ADGRF3: variants seen among roughly 807,000 people sequenced by gnomAD.
ADGRF3 encodes adhesion G protein-coupled receptor F3.
ADGRF3 carries 85 observed loss-of-function variants against 93.2 expected under a neutral mutation model. The observed-to-expected ratio is 0.91, with a 90% CI of 0.77 to 1.09. The LOEUF (loss-of-function observed/expected upper bound fraction) is 1.09. Ranked by LOEUF, ADGRF3 falls within the 50% of genes least tolerant of loss-of-function variation. The pLI is 0.00. For missense variants in ADGRF3, 1,125 were observed against 1,246.2 expected, an observed-to-expected ratio of 0.90 and a Z score of 1.46; for synonymous variants, 534 against 532.5, an observed-to-expected ratio of 1.00 and a Z score of -0.04.
chr2:26,318,260 A>G (rs1224488733), intron 1 of ADGRF3: 4 of 601,324 alleles, frequency 6.7e-6, no homozygotes, highest in South Asian at 6.4e-5. Context: ...GTGGATATCT[A>G]TCCAAAACCA....
rs2147885416 is a variant in ADGRF3, at chr2:26,317,497, C to T, written c.180G>A (p.Gly60=). Residue 60 remains glycine (G), a splice_region_variant and synonymous_variant, in exon 2 of 14, where the codon GGG becomes GGA. Transcript: ENST00000651242. Reference sequence around the variant, plus strand: ...TCCTCCTCCTGTCCATACACTCACCCCCTGCTCCATTCTCTTGGTCCAGGA... The same window carrying T: ...TCCTCCTCCTGTCCATACACTCACCTCCTGCTCCATTCTCTTGGTCCAGGA... ...GQLLDQENGA[G]ESALVSVYVH... 2 of 1,590,392 alleles carry T rather than the reference C, an allele frequency of 1.3e-6. No individual in the cohort carries two copies. The highest frequency in any genetic ancestry group is 1.7e-4 in the Middle Eastern group (1 of 6,036).
intron 1 of ADGRF3, among the ~76,000 whole-genome samples, chr2:26,343,229 T>C (rs1404670030): frequency 1.3e-5 from 2 of 152,102 alleles, no homozygotes; most frequent in South Asian, 2.1e-4. Flanking sequence ...CATGGTTATA[T>C]GGAGCATGAC....
chr2:26,316,338 G>A lies in ADGRF3; in HGVS notation c.436C>T (p.Gln146Ter). ...CTGAAGACAAGGCAGCCACAAGGCT[G>A]GTGGTTGTGGAGGCTTTGACAAGGA... ...YPPCQSLHNH[Q>*]PCGCLVFSHP... Residue 146 changes from glutamine (Q) to a stop codon, truncating the protein, a stop_gained, in exon 4 of 14, where the codon CAG becomes TAG. Coordinates refer to ENST00000651242, the MANE Select transcript of ADGRF3 (RefSeq NM_001321971.2). LOFTEE classifies it high-confidence loss of function. The A allele has an allele frequency of 6.4e-7, 1 of 1,551,988 alleles. No homozygotes were observed. The highest frequency in any genetic ancestry group is 8.7e-7 in the Non-Finnish European group (1 of 1,147,032).
chr2:26,319,585 T>A (rs1007700629), intron 1 of ADGRF3, among the ~76,000 whole-genome samples: 1 of 54,474 alleles, frequency 1.8e-5, no homozygotes, highest in Non-Finnish European at 4.0e-5. Flanking sequence ...CTTCCTTCCT[T>A]CCTTCCTTCC....
In ADGRF3 at chr2:26,346,146, A is replaced by G. The variant is rs1281209126; in HGVS notation, c.89T>C (p.Met30Thr). 6.2e-7 allele frequency: 1 copy of G among 1,604,842 alleles called. No individual in the cohort carries two copies. The change falls in exon 1 of 14, where the codon ATG becomes ACG. Residue 30 changes from methionine to threonine, a missense_variant. Met to Thr is a moderately conservative substitution (Grantham distance 81). Coordinates refer to ENST00000651242, the MANE Select transcript of ADGRF3 (RefSeq NM_001321971.2). The part of the protein sequence containing the change: ...THKHHTGWAR[M>T]AKTGLPEKGQ... The stretch of plus-strand genomic sequence containing the variant: ...CTTCTCGGGCAGCCCAGTCTTTGCC[A>G]TCCTTGCCCAGCCGGTGTGGTGCTT...
intron 1 of ADGRF3, among the ~76,000 whole-genome samples, chr2:26,319,570 CCTTCCTTCCTT>C (rs1675000638): frequency 6.1e-5 from 3 of 49,020 alleles, no homozygotes; most frequent in South Asian, 1.2e-3. Context: ...TCCCTCCCTT[CCTTCCTTCCTT>C]CCTTCCTTCC....
At chr2:26,317,088 A>C (rs774717540) in intron 2 of ADGRF3, 33 bp from the exon 3 acceptor site, 2 of 1,573,908 alleles carry the variant, frequency 1.3e-6, no homozygotes, top group Non-Finnish European at 1.7e-6. Context: ...TGGAGAGGAC[A>C]GGCAGCGAGG....
intron 1 of ADGRF3, chr2:26,345,777 G>A (rs1676689763): frequency 3.0e-6 from 1 of 332,922 alleles, no homozygotes; most frequent in Admixed American, 4.4e-5. Context: ...GTATACCCCA[G>A]ATCACCACGC....
chr2:26,330,255 C>G (rs555485313), intron 1 of ADGRF3, among the ~76,000 whole-genome samples: 11 of 152,286 alleles, frequency 7.2e-5, no homozygotes, highest in African/African-American at 1.4e-4. Flanking sequence ...TAGTGCAGTT[C>G]TGCTGGTGGT....
Position 26,346,199 on chromosome 2 carries a change from C to T in ADGRF3, c.36G>A (p.Ala12=). The T allele has an allele frequency of 1.9e-6, 3 of 1,613,416 alleles. No individual in the cohort carries two copies. The highest frequency in any genetic ancestry group is 2.5e-6 in the Non-Finnish European group (3 of 1,179,590). The change falls in exon 1 of 14, where the codon GCG becomes GCA. Residue 12 remains alanine, a synonymous_variant. Coordinates refer to ENST00000651242, the MANE Select transcript of ADGRF3 (RefSeq NM_001321971.2). ...TTRKLSAHSA[A]TPGYKAVTHK... ...GTGTCACAGCCTTGTAGCCGGGAGT[C>T]GCTGCCGAGTGGGCGCTCAGTTTTC...
In ADGRF3 at chr2:26,317,454, C is replaced by A. The variant is rs377729462; in HGVS notation, c.181+42G>T. 180 of 1,546,280 alleles carry A rather than the reference C, an allele frequency of 1.2e-4. 1 individual carries two copies. The African/African-American group carries it at 2.4e-3, about 20-fold the overall frequency. ...TGGGTTTCCACCTCATTCCCAGCTC[C>A]CATCTCCTCCCCCTCCCTCCTCCTC... On this transcript the variant is annotated intron_variant, in intron 2 of 13. Coordinates refer to ENST00000651242, the MANE Select transcript of ADGRF3 (RefSeq NM_001321971.2).
At position 26,311,195 on chromosome 2, in the gene ADGRF3, C is replaced by A. The variant is rs375056876; in HGVS notation, c.2329G>T (p.Ala777Ser). ...AGGTAGAGGAAATGACAGAGGAAGG[C>A]GGCAGCAAGGCAGAGCGGGCTTCGG... ...GPRSPLCLAA[A>S]FLCHFLYLAT... Residue 777 changes from alanine to serine, a missense_variant, in exon 10 of 14, where the codon GCC becomes TCC. Physicochemically the swap from Ala to Ser is moderately conservative, Grantham distance 99 (BLOSUM62 1). Coordinates refer to ENST00000651242, the MANE Select transcript of ADGRF3 (RefSeq NM_001321971.2). 3.1e-6 allele frequency: 5 copies of A among 1,600,044 alleles called. No individual in the cohort carries two copies. Among genetic ancestry groups the A allele is most frequent in the Non-Finnish European group, 3.4e-6 (4 of 1,173,754 alleles).
At chr2:26,314,741 A>G in intron 5 of ADGRF3, 118 bp from the exon 6 acceptor site, 1 of 903,902 alleles carries the variant, frequency 1.1e-6, no homozygotes, top group Non-Finnish European at 1.7e-6. Context: ...CCCAGTGCTT[A>G]ACCCCAGCAA....
intron 1 of ADGRF3, among the ~76,000 whole-genome samples, chr2:26,341,870 G>C (rs940403792): frequency 6.6e-6 from 1 of 151,900 alleles, no homozygotes; most frequent in South Asian, 2.1e-4. Flanking sequence ...TCAGGAGATC[G>C]AGACCATCCT....
intron 3 of ADGRF3, 33 bp from the exon 4 acceptor site, chr2:26,316,481 G>A: frequency 6.5e-7 from 1 of 1,543,606 alleles, no homozygotes; most frequent in Non-Finnish European, 8.8e-7. Flanking sequence ...GGGTGGGCAG[G>A]CTGTCTGAAG....
chr2:26,316,283 A>G lies in ADGRF3; in HGVS notation c.491T>C (p.Leu164Pro). 6.4e-7 allele frequency: 1 copy of G among 1,551,412 alleles called. No individual in the cohort carries two copies. The part of the protein sequence containing the change: ...SHPEPGYCQL[L>P]PPVPGILNLN... The stretch of plus-strand genomic sequence containing the variant: ...TTCCCAACCTTCCTCACCAGGTGGC[A>G]GCAACTGGCAGTACCCGGGTTCGGG... The change falls in exon 4 of 14, where the codon CTG becomes CCG. Residue 164 changes from leucine to proline, a missense_variant. Physicochemically the swap from Leu to Pro is moderately conservative, Grantham distance 98. Coordinates refer to ENST00000651242, the MANE Select transcript of ADGRF3 (RefSeq NM_001321971.2).
rs372305789 is a variant in ADGRF3, at chr2:26,342,081, A to C, written c.114+4040T>G. Among the ~76,000 whole-genome samples, 10 of 150,910 alleles carry C rather than the reference A, an allele frequency of 6.6e-5. No individual in the cohort carries two copies. The East Asian group carries it at 1.9e-3, about 29-fold the overall frequency. On this transcript the variant is annotated intron_variant, in intron 1 of 13. Coordinates refer to ENST00000651242, the MANE Select transcript of ADGRF3 (RefSeq NM_001321971.2). ...GAGCAAGACTCCATCTCAAAAAAAA[A>C]ACAACTGACTTGTGATTTTTTTTTT...
In ADGRF3 at chr2:26,311,049, G is replaced by A; in HGVS notation, c.2475C>T (p.Cys825=). 1 of 1,609,810 alleles carries A rather than the reference G, an allele frequency of 6.2e-7. No individual in the cohort carries two copies. The highest frequency in any genetic ancestry group is 8.5e-7 in the Non-Finnish European group (1 of 1,178,138). ...LPLMVLLGYL[C]PLGLAGVTLG... Reference sequence around the variant, plus strand: ...GGGTGACACCTGCCAACCCCAGTGGGCACAGGTAGCCCAGGAGCACCATGA... The same window carrying A: ...GGGTGACACCTGCCAACCCCAGTGGACACAGGTAGCCCAGGAGCACCATGA... Residue 825 remains cysteine (C), a synonymous_variant, in exon 10 of 14, where the codon TGC becomes TGT. Coordinates refer to ENST00000651242, the MANE Select transcript of ADGRF3 (RefSeq NM_001321971.2).
At chr2:26,334,215 G>C (rs189568450) in intron 1 of ADGRF3, among the ~76,000 whole-genome samples, 2 of 150,204 alleles carry the variant, frequency 1.3e-5, no homozygotes, top group Admixed American at 6.6e-5. Context: ...AGCTACTTGG[G>C]AGGCTAAGGC....
Sources: allele counts gnomAD v4.1 joint callset (sites outside exome capture counted in the v4.1 genomes callset), GRCh38; gene constraint gnomAD v4.1.1; transcripts MANE v1.5; gene names NCBI Gene and HGNC (gene_info 2026-07-23, HGNC 2026-07-21).